The following ANK3 variants were observed in gnomAD, a reference collection of about 807,000 sequenced individuals.
ANK3 encodes the protein ankyrin-3.
Under a neutral mutation model 370.9 loss-of-function variants are expected in ANK3, and 57 were observed. That is an observed-to-expected ratio of 0.15 (90% CI 0.12 to 0.19). ANK3 has a LOEUF of 0.19. ANK3 is among the 10% of genes least tolerant of loss of function. ANK3 has a pLI of 1.00. For synonymous variants in ANK3, 1,929 were observed against 1,946.3 expected (o/e 0.99, Z 0.23); for missense variants, 4,439 against 5,302.1 (o/e 0.84, Z 5.06).
intron 2 of ANK3, among the ~76,000 whole-genome samples, chr10:60,396,506 T>C (rs1178138649): frequency 6.6e-6 from 1 of 152,230 alleles, no homozygotes; most frequent in Non-Finnish European, 1.5e-5. Flanking sequence ...AAACTATTTG[T>C]ATAATTATAG....
intron 1 of ANK3, among the ~76,000 whole-genome samples, chr10:60,671,680 G>T (rs1218936074): frequency 6.6e-6 from 1 of 152,188 alleles, no homozygotes; most frequent in Non-Finnish European, 1.5e-5. Flanking sequence ...TGGAAATGCA[G>T]CAGTGTGCCT....
At chr10:60,081,612 A>C in intron 35 of ANK3, 2 of 365,972 alleles carry the variant, frequency 5.5e-6, no homozygotes, top group Non-Finnish European at 1.1e-5. Context: ...CACATACAAC[A>C]TAAGTTTATT....
chr10:60,694,637 C>T (rs1335095747), intron 1 of ANK3, among the ~76,000 whole-genome samples: 1 of 151,954 alleles, frequency 6.6e-6, no homozygotes, highest in Admixed American at 6.6e-5. Flanking sequence ...ATTTCATATC[C>T]AGCAAAACTA....
intron 1 of ANK3, among the ~76,000 whole-genome samples, chr10:60,688,213 G>A (rs931842406): frequency 2.6e-5 from 4 of 152,068 alleles, no homozygotes; most frequent in Non-Finnish European, 4.4e-5. Flanking sequence ...GAGATTACAG[G>A]CACATGCACA....
At chr10:60,449,497 G>A (rs4511241) in intron 2 of ANK3, among the ~76,000 whole-genome samples, 73,650 of 151,918 alleles carry the variant, frequency 0.48, 18,679 homozygotes, top group East Asian at 0.64. Context: ...AGGAAATTTC[G>A]TCTCATTAAA....
intron 2 of ANK3, among the ~76,000 whole-genome samples, chr10:60,464,556 A>C (rs75869416): frequency 1.3e-5 from 2 of 152,200 alleles, no homozygotes; most frequent in East Asian, 3.8e-4. Flanking sequence ...CCACATGCAG[A>C]GAACCCCCGA....
At chr10:60,447,390 C>G (rs2064477843) in intron 2 of ANK3, among the ~76,000 whole-genome samples, 3 of 152,118 alleles carry the variant, frequency 2.0e-5, no homozygotes. Context: ...GACTGCTAGA[C>G]AGGGTAATTC....
intron 2 of ANK3, among the ~76,000 whole-genome samples, chr10:60,574,045 GT>G (rs1456460198): frequency 6.6e-6 from 1 of 152,182 alleles, no homozygotes; most frequent in Non-Finnish European, 1.5e-5. Flanking sequence ...TTTTTCAATG[GT>G]ATGTGTGGGG....
rs959191866 is a variant in ANK3 at position 60,052,405 on chromosome 10, T to G, written c.13065+3253A>C. On this transcript the variant is annotated intron_variant, in intron 42 of 43. Coordinates refer to ENST00000280772, the MANE Select transcript of ANK3 (RefSeq NM_020987.5). ...TATATTTATATTCAAGAGATTAATA[T>G]CAGCATAATTTGTACCTAACACATA... Among the ~76,000 whole-genome samples, 16 of 152,334 alleles carry G rather than the reference T, an allele frequency of 1.1e-4. No homozygotes were observed. In the East Asian group the frequency reaches 2.9e-3, roughly 28 times the overall value.
At chr10:60,228,724 T>G (rs1284060537) in intron 8 of ANK3, among the ~76,000 whole-genome samples, 2 of 152,132 alleles carry the variant, frequency 1.3e-5, no homozygotes, top group Non-Finnish European at 1.5e-5. Flanking sequence ...GGTAATTTTG[T>G]GTCTAACTGA....
chr10:60,076,275 G>A lies in ANK3; in HGVS notation c.4606C>T (p.Pro1536Ser). 6.2e-7 allele frequency: 1 copy of A among 1,614,128 alleles called. No homozygotes were observed. The highest frequency in any genetic ancestry group is 8.5e-7 in the Non-Finnish European group (1 of 1,179,990). ...SSSSNTPSAS[P>S]LKSIWSVSTP... ...GAAACAGACCATATTGATTTTAACG[G>A]AGAAGCTGATGGCGTATTAGAGGAA... is the stretch of plus-strand genomic sequence containing the variant. The change falls in exon 37 of 44, where the codon CCG becomes TCG. Residue 1536 changes from proline (P) to serine (S), a missense_variant. Transcript: ENST00000280772.
chr10:60,401,895 A>G (rs1308018131), intron 2 of ANK3, among the ~76,000 whole-genome samples: 1 of 152,202 alleles, frequency 6.6e-6, no homozygotes, highest in South Asian at 2.1e-4. Context: ...GGTGAAATCA[A>G]CCTGACTTAA....
At chr10:60,395,511 T>C (rs1257223333) in intron 2 of ANK3, among the ~76,000 whole-genome samples, 1 of 151,798 alleles carries the variant, frequency 6.6e-6, no homozygotes, top group Non-Finnish European at 1.5e-5. Context: ...AGGTGTTTCA[T>C]CAAACAAGCA....
chr10:60,446,639 A>G (rs1219866156), intron 2 of ANK3, among the ~76,000 whole-genome samples: 1 of 152,232 alleles, frequency 6.6e-6, no homozygotes, highest in Non-Finnish European at 1.5e-5. Flanking sequence ...AAGGGCAGAT[A>G]ACATGTACAG....
chr10:60,249,663 A>G (rs1208970992), intron 7 of ANK3, among the ~76,000 whole-genome samples: 1 of 152,236 alleles, frequency 6.6e-6, no homozygotes, highest in Non-Finnish European at 1.5e-5. Flanking sequence ...TGGAAATACT[A>G]AAGTCAGTCT....
intron 2 of ANK3, among the ~76,000 whole-genome samples, chr10:60,441,339 T>C (rs917277387): frequency 3.3e-5 from 5 of 152,166 alleles, no homozygotes; most frequent in African/African-American, 1.2e-4. Context: ...GTTATCCTAA[T>C]ACACTTTCTA....
intron 2 of ANK3, among the ~76,000 whole-genome samples, chr10:60,432,649 G>T (rs2064055420): frequency 1.3e-5 from 2 of 152,124 alleles, no homozygotes; most frequent in Non-Finnish European, 2.9e-5. Context: ...TTTAGAACAC[G>T]GAGTTGCATT....
chr10:60,534,340 T>G (rs2076676170), intron 2 of ANK3, among the ~76,000 whole-genome samples: 2 of 152,098 alleles, frequency 1.3e-5, no homozygotes, highest in African/African-American at 4.8e-5. Flanking sequence ...TCCAAACGCA[T>G]TCATGTCTCA....
At chr10:60,453,115 C>T (rs1256962955) in intron 2 of ANK3, among the ~76,000 whole-genome samples, 1 of 152,192 alleles carries the variant, frequency 6.6e-6, no homozygotes, top group Non-Finnish European at 1.5e-5. Context: ...TCTTTAGAAA[C>T]AGACTTGAAT....
Sources: gnomAD v4.1 joint callset for allele counts (sites outside exome capture counted in the v4.1 genomes callset) on GRCh38, gnomAD v4.1.1 for gene constraint, MANE v1.5 for transcripts, NCBI Gene and HGNC (gene_info 2026-07-23, HGNC 2026-07-21) for gene names.